Variants in UPRT observed in about 807,000 individuals in gnomAD.
The protein encoded by UPRT is RP11-311P8.3.
UPRT carries 5 observed loss-of-function variants against 22.6 expected under a neutral mutation model. That is an observed-to-expected ratio of 0.22 (90% CI 0.12 to 0.47). UPRT has a LOEUF of 0.47. UPRT is among the 20% of genes least tolerant of loss of function. The probability of loss-of-function intolerance (pLI) is 0.99; values close to 1 mark genes in which losing one functional copy is unlikely to be tolerated. For missense variants in UPRT, 181 were observed against 239.9 expected (o/e 0.75, Z 1.62); for synonymous variants, 77 against 87.7 (o/e 0.88, Z 0.68).
At chrX:75,173,741 C>A (rs1268929982) in intron 4 of UPRT, among the ~76,000 whole-genome samples, 1 of 111,961 alleles carries the variant, frequency 8.9e-6, no homozygotes, top group South Asian at 3.8e-4. Flanking sequence ...GAGCCCTGCC[C>A]CGCGGGAAGG....
intron 4 of UPRT, among the ~76,000 whole-genome samples, chrX:75,258,441 GGGCATCTCCCACTGCTGA>G (rs1197424422): frequency 9.1e-6 from 1 of 109,960 alleles, no homozygotes; most frequent in Non-Finnish European, 1.9e-5. Flanking sequence ...GTTTGGGGAG[GGGCATCTCCCACTGCTGA>G]GGCATGAGTA....
At chrX:75,263,755 G>A (rs1227845472) in intron 4 of UPRT, among the ~76,000 whole-genome samples, 2 of 109,946 alleles carry the variant, frequency 1.8e-5, no homozygotes, top group Non-Finnish European at 3.8e-5. Context: ...CTTGCCTTCT[G>A]CTAGCTTTTG....
intron 4 of UPRT, among the ~76,000 whole-genome samples, chrX:75,175,619 G>T (rs903891562): frequency 8.9e-6 from 1 of 112,036 alleles, no homozygotes; most frequent in Non-Finnish European, 1.9e-5. Context: ...TCATCTGGTT[G>T]GGGGCTTCTG....
intron 4 of UPRT, among the ~76,000 whole-genome samples, chrX:75,177,784 T>G (rs1160421887): frequency 8.9e-6 from 1 of 112,014 alleles, no homozygotes; most frequent in Middle Eastern, 4.2e-3. Context: ...AAAAATTATG[T>G]CTTTCCGATT....
chrX:75,239,273 G>A (rs997486432), intron 4 of UPRT, among the ~76,000 whole-genome samples: 2 of 111,664 alleles, frequency 1.8e-5, no homozygotes, highest in African/African-American at 6.5e-5. Flanking sequence ...TAAAATGGGA[G>A]ATATTACATC....
chrX:75,188,779 C>T (rs752858712), intron 4 of UPRT, among the ~76,000 whole-genome samples: 5 of 112,048 alleles, frequency 4.5e-5, no homozygotes, highest in East Asian at 2.8e-4. Context: ...GGGAGTGACC[C>T]GATCTTCCAG....
chrX:75,293,353 T>C, intron 1 of UPRT, 119 bp from the exon 2 acceptor site: 1 of 624,179 alleles, frequency 1.6e-6, no homozygotes. Flanking sequence ...AGTCTGTACA[T>C]GTAAGCATTT....
At chrX:75,197,082 C>T (rs1197313619) in intron 4 of UPRT, among the ~76,000 whole-genome samples, 1 of 110,974 alleles carries the variant, frequency 9.0e-6, no homozygotes, top group African/African-American at 3.3e-5. Flanking sequence ...ATACACCCAC[C>T]TCCCTCCCCA....
chrX:75,197,614 A>G (rs1265559487), intron 4 of UPRT, among the ~76,000 whole-genome samples: 2 of 111,875 alleles, frequency 1.8e-5, no homozygotes, highest in African/African-American at 6.5e-5. Context: ...CAGACATAAG[A>G]CTTGTATCCT....
At chrX:75,186,793 T>C (rs1207912074) in intron 4 of UPRT, among the ~76,000 whole-genome samples, 3 of 111,873 alleles carry the variant, frequency 2.7e-5, no homozygotes, top group African/African-American at 9.8e-5. Flanking sequence ...TCTTTGTCTC[T>C]TTCGATCTTT....
At chrX:75,191,080 GCT>G (rs2082313231) in intron 4 of UPRT, among the ~76,000 whole-genome samples, 1 of 111,617 alleles carries the variant, frequency 9.0e-6, no homozygotes, top group Non-Finnish European at 1.9e-5. Context: ...CAGCTTTTCT[GCT>G]CTGTTTCTTT....
At chrX:75,234,971 C>T (rs1347174800) in intron 4 of UPRT, among the ~76,000 whole-genome samples, 1 of 111,518 alleles carries the variant, frequency 9.0e-6, no homozygotes, top group African/African-American at 3.3e-5. Flanking sequence ...ACACAAAAAA[C>T]CCTTCAAAAA....
chrX:75,190,834 C>A (rs1318815492), intron 4 of UPRT, among the ~76,000 whole-genome samples: 1 of 111,569 alleles, frequency 9.0e-6, no homozygotes, highest in Non-Finnish European at 1.9e-5. Context: ...TCCATCAGGT[C>A]ATTTAAGGAC....
intron 4 of UPRT, among the ~76,000 whole-genome samples, chrX:75,238,631 A>G (rs1468917640): frequency 1.8e-5 from 2 of 111,802 alleles, no homozygotes; most frequent in Non-Finnish European, 3.8e-5. Flanking sequence ...AGATATATAC[A>G]GAACATTCTA....
chrX:75,233,175 A>G (rs1310845814), intron 4 of UPRT, among the ~76,000 whole-genome samples: 7 of 111,476 alleles, frequency 6.3e-5, no homozygotes, highest in Non-Finnish European at 1.3e-4. Flanking sequence ...CAACTGGAAG[A>G]AAGGGTATCA....
At chrX:75,175,784 G>A (rs1044488234) in intron 4 of UPRT, among the ~76,000 whole-genome samples, 2 of 111,672 alleles carry the variant, frequency 1.8e-5, no homozygotes, top group African/African-American at 6.5e-5. Flanking sequence ...CAGGTGGTTG[G>A]CCTGCTCCAT....
chrX:75,254,116 G>A (rs1369357738), intron 4 of UPRT, among the ~76,000 whole-genome samples: 1 of 111,478 alleles, frequency 9.0e-6, no homozygotes, highest in Non-Finnish European at 1.9e-5. Context: ...ACAAGTAGGG[G>A]AAAAAGGAAA....
intron 1 of UPRT, 86 bp from the exon 2 acceptor site, chrX:75,293,386 C>G: frequency 1.1e-6 from 1 of 896,475 alleles, no homozygotes; most frequent in East Asian, 3.2e-5. Flanking sequence ...TGTTATAGGT[C>G]TTAATATCAG....
chrX:75,260,269 G>T (rs779319301), intron 4 of UPRT, among the ~76,000 whole-genome samples: 2 of 112,408 alleles, frequency 1.8e-5, no homozygotes, highest in East Asian at 5.6e-4. Flanking sequence ...AACCTTAAAT[G>T]TAAATGGGCT....
Sources: allele counts gnomAD v4.1 joint callset (sites outside exome capture counted in the v4.1 genomes callset), GRCh38; gene constraint gnomAD v4.1.1; transcripts MANE v1.5; gene names NCBI Gene and HGNC (gene_info 2026-07-23, HGNC 2026-07-21).